Variants in RTF1 observed in about 807,000 individuals in gnomAD.
RTF1 encodes RNA polymerase-associated protein RTF1 homolog.
RTF1 carries 10 observed loss-of-function variants against 95.7 expected under a neutral mutation model. The ratio of observed to expected loss-of-function variants is 0.10; its 90% CI spans 0.06 to 0.18. RTF1 has a LOEUF of 0.18. Among genes scored for constraint, RTF1 ranks in the 10% least tolerant of loss-of-function variants. The pLI is 1.00. For missense variants in RTF1, 458 were observed against 875.6 expected, an observed-to-expected ratio of 0.52 and a Z score of 6.02; for synonymous variants, 305 against 311.8, an observed-to-expected ratio of 0.98 and a Z score of 0.23.
intron 2 of RTF1, among the ~76,000 whole-genome samples, chr15:41,442,917 A>G (rs940392079): frequency 1.6e-4 from 25 of 152,006 alleles, no homozygotes; most frequent in African/African-American, 4.6e-4. Context: ...TAAAGTGGCA[A>G]TTTTCCATCA....
At position 41,456,901 on chromosome 15, in the gene RTF1, C is replaced by T. The variant is rs139861369; in HGVS notation, c.458-771C>T. 1.1e-4 allele frequency among the ~76,000 whole-genome samples: 16 copies of T among 151,598 alleles called. No homozygotes were observed. The East Asian group carries it at 2.2e-3, about 20-fold the overall frequency. The stretch of plus-strand genomic sequence containing the variant: ...GAGATCGAGACCATCCTGGCCAACA[C>T]GGTGAAACCCCATCTCTACTAAAAA... On this transcript the variant is annotated intron_variant, in intron 3 of 17. Transcript: ENST00000389629.
chr15:41,480,292 G>T lies in RTF1; in HGVS notation c.1993G>T (p.Asp665Tyr), dbSNP rs1423418078. The change falls in exon 17 of 18, where the codon GAT (aspartate) becomes TAT (tyrosine). Residue 665 changes from aspartate (D) to tyrosine (Y), a missense_variant. Asp to Tyr is a radical substitution (Grantham distance 160). Transcript: ENST00000389629. ...SEDLFKVHDFDVKIDLQVPSS... is the reference protein window; with the variant it reads ...SEDLFKVHDFYVKIDLQVPSS... The stretch of plus-strand genomic sequence containing the variant: ...AGATCTGTTCAAAGTACACGATTTT[G>T]ATGTGAAGATTGACTTACAAGTTCC... 6.2e-7 allele frequency: 1 copy of T among 1,613,672 alleles called. No individual in the cohort carries two copies. Among genetic ancestry groups the T allele is most frequent in the African/African-American group, 1.3e-5 (1 of 75,052 alleles).
intron 1 of RTF1, among the ~76,000 whole-genome samples, chr15:41,431,229 T>TC: frequency 6.6e-6 from 1 of 150,416 alleles, no homozygotes; most frequent in East Asian, 2.0e-4. Context: ...TTTTTTTTTT[T>TC]TTGAGAAGGA....
chr15:41,465,539 GC>G (rs2050876604), intron 5 of RTF1, among the ~76,000 whole-genome samples: 1 of 152,118 alleles, frequency 6.6e-6, no homozygotes. Flanking sequence ...TACTCGGGGG[GC>G]TGAGGCACAA....
intron 5 of RTF1, among the ~76,000 whole-genome samples, chr15:41,465,274 C>T (rs1478764437): frequency 6.6e-6 from 1 of 151,902 alleles, no homozygotes; most frequent in Non-Finnish European, 1.5e-5. Flanking sequence ...AACTCCTAGT[C>T]TCAAGCAGTC....
chr15:41,417,517 G>A (rs1183796081), intron 1 of RTF1, among the ~76,000 whole-genome samples: 1 of 152,148 alleles, frequency 6.6e-6, no homozygotes, highest in African/African-American at 2.4e-5. Context: ...GAGCCCCGAG[G>A]ACTTGGCGCC....
At chr15:41,435,321 A>G (rs1031856707) in intron 1 of RTF1, among the ~76,000 whole-genome samples, 3 of 151,726 alleles carry the variant, frequency 2.0e-5, no homozygotes, top group African/African-American at 7.3e-5. Flanking sequence ...TTAGAAAAGT[A>G]TATTAGAAAG....
Position 41,477,186 on chromosome 15 carries a change from G to C in RTF1, c.1582G>C (p.Asp528His). The change falls in exon 13 of 18, where the codon GAT becomes CAT. Residue 528 changes from aspartate to histidine, a missense_variant. Around this residue, in one of 11 missense-constraint regions of RTF1, gnomAD observed 150 missense variants for 275.7 expected, o/e 0.54. Coordinates refer to ENST00000389629, the MANE Select transcript of RTF1 (RefSeq NM_015138.5). ...GTAGGCCATGGCTGAGGACCTGGGG[G>C]ATCAGGACAAGGCCAAACAAATCCA... ...KEKAMAEDLG[D>H]QDKAKQIQDQ... The C allele has an allele frequency of 1.2e-6, 2 of 1,614,192 alleles. No individual in the cohort carries two copies. The highest frequency in any genetic ancestry group is 1.7e-6 in the Non-Finnish European group (2 of 1,180,044).
At chr15:41,470,443 G>A in intron 7 of RTF1, 51 bp downstream of exon 7, 5 of 1,589,786 alleles carry the variant, frequency 3.1e-6, no homozygotes, top group Non-Finnish European at 4.3e-6. Flanking sequence ...GGGTTTTTGA[G>A]GAAGAGCTTG....
intron 1 of RTF1, among the ~76,000 whole-genome samples, chr15:41,417,722 G>C (rs1281482925): frequency 2.0e-5 from 3 of 152,202 alleles, no homozygotes; most frequent in Non-Finnish European, 4.4e-5. Flanking sequence ...GGTGCGCGTC[G>C]AGCAGTTGGG....
intron 3 of RTF1, among the ~76,000 whole-genome samples, chr15:41,456,882 G>T (rs1047894773): frequency 4.7e-5 from 7 of 150,382 alleles, no homozygotes; most frequent in African/African-American, 1.7e-4. Context: ...TTGAGAGATC[G>T]AGACCATCCT....
intron 2 of RTF1, among the ~76,000 whole-genome samples, chr15:41,447,692 A>ATCCTT: frequency 6.6e-6 from 1 of 152,176 alleles, no homozygotes; most frequent in East Asian, 1.9e-4. Flanking sequence ...CTGACAATGG[A>ATCCTT]TCCTTTCCTT....
chr15:41,473,458 T>G (rs2050925824), intron 8 of RTF1, among the ~76,000 whole-genome samples: 1 of 150,410 alleles, frequency 6.6e-6, no homozygotes. Flanking sequence ...TTTTTTTTTT[T>G]GAGACAGTGT....
At chr15:41,428,520 A>T (rs2050650493) in intron 1 of RTF1, among the ~76,000 whole-genome samples, 1 of 149,086 alleles carries the variant, frequency 6.7e-6, no homozygotes, top group East Asian at 2.0e-4. Flanking sequence ...CGCCCACCTC[A>T]GCCTCCCAAA....
intron 1 of RTF1, among the ~76,000 whole-genome samples, chr15:41,437,686 A>G (rs1442503269): frequency 2.6e-5 from 4 of 152,112 alleles, no homozygotes; most frequent in Admixed American, 2.0e-4. Context: ...GTCATGGCTT[A>G]CTTACTGGTA....
intron 4 of RTF1, among the ~76,000 whole-genome samples, chr15:41,458,613 G>T (rs1335020818): frequency 6.6e-6 from 1 of 151,090 alleles, no homozygotes; most frequent in Non-Finnish European, 1.5e-5. Flanking sequence ...GCCTGGTGTG[G>T]TGTTGTGCAC....
intron 4 of RTF1, 37 bp downstream of exon 4, chr15:41,457,913 C>T: frequency 6.4e-7 from 1 of 1,551,620 alleles, no homozygotes; most frequent in Non-Finnish European, 8.9e-7. Flanking sequence ...CCCCCGCCCC[C>T]ACCTTTTCTG....
Position 41,447,278 on chromosome 15 carries a change from T to G in RTF1, c.310-5623T>G, listed in dbSNP as rs181868495. Reference sequence around the variant, plus strand: ...CTGAAATCTTGAAGTTTCTTTACTTTCCTGCCTTCATCATGCTCAAAATAC... The same window carrying G: ...CTGAAATCTTGAAGTTTCTTTACTTGCCTGCCTTCATCATGCTCAAAATAC... On this transcript the variant is annotated intron_variant, in intron 2 of 17. Coordinates refer to ENST00000389629, the MANE Select transcript of RTF1 (RefSeq NM_015138.5). 7.2e-5 allele frequency among the ~76,000 whole-genome samples: 11 copies of G among 152,292 alleles called. No individual in the cohort carries two copies. The East Asian group carries it at 2.1e-3, about 29-fold the overall frequency.
chr15:41,435,227 T>C (rs2050695855), intron 1 of RTF1, among the ~76,000 whole-genome samples: 1 of 152,154 alleles, frequency 6.6e-6, no homozygotes, highest in African/African-American at 2.4e-5. Context: ...TTAGATCTTC[T>C]CTGTATCAGA....
Sources: allele counts gnomAD v4.1 joint callset (sites outside exome capture counted in the v4.1 genomes callset), GRCh38; gene constraint gnomAD v4.1.1; regional missense constraint gnomAD v4.1.1; transcripts MANE v1.5; gene names NCBI Gene and HGNC (gene_info 2026-07-23, HGNC 2026-07-21).